RNF213: variants seen among roughly 807,000 people sequenced by gnomAD.
The protein encoded by RNF213 is ring finger protein 213, also known as E3 ubiquitin-protein ligase RNF213.
In RNF213, 341 loss-of-function variants were observed where a neutral mutation model predicts 514.4. That is an observed-to-expected ratio of 0.66 (90% CI 0.61 to 0.73). The LOEUF is 0.73. RNF213 is among the 30% of genes least tolerant of loss of function. The pLI is 0.00. For synonymous variants in RNF213, 2,655 were observed against 2,658.2 expected (o/e 1.00, Z 0.04); for missense variants, 5,767 against 6,615.6 (o/e 0.87, Z 4.45).
intron 44 of RNF213, among the ~76,000 whole-genome samples, chr17:80,369,171 T>G (rs2079405323): frequency 6.6e-6 from 1 of 152,012 alleles, no homozygotes; most frequent in Non-Finnish European, 1.5e-5. Flanking sequence ...GGCCGAGGTG[T>G]GTGGATCACC....
chr17:80,261,219 G>T (rs906335964), intron 1 of RNF213, among the ~76,000 whole-genome samples: 1 of 152,202 alleles, frequency 6.6e-6, no homozygotes, highest in Non-Finnish European at 1.5e-5. Context: ...CTGCCCCCGG[G>T]AAGTGGCCGG....
Position 80,386,737 on chromosome 17 carries a change from A to T in RNF213, c.14768A>T (p.Tyr4923Phe), listed in dbSNP as rs377668916. ...AEVTELHVIS[Y>F]EVERDLTPLI... ...GTCACTGAACTGCATGTCATCAGTT[A>T]TGAAGTGGAGCGGGACCTGACTCCA... The change falls in exon 63 of 68, where the codon TAT becomes TTT. Residue 4923 changes from tyrosine (Y) to phenylalanine (F), a missense_variant. Around this residue, in one of 13 missense-constraint regions of RNF213, gnomAD observed 1,245 missense variants for 1,339.0 expected, o/e 0.93. Coordinates refer to ENST00000582970, the MANE Select transcript of RNF213 (RefSeq NM_001256071.3). 5 of 1,614,100 alleles carry T rather than the reference A, an allele frequency of 3.1e-6. No individual in the cohort carries two copies. The African/African-American group carries it at 5.3e-5, about 17-fold the overall frequency.
At position 80,343,902 on chromosome 17, in the gene RNF213, C is replaced by A; in HGVS notation, c.6229C>A (p.Gln2077Lys). ...GTTTCTTTTCAAGCTCCTCATTTTA[C>A]AATACTTAATGGATATAAATGGGAA... ...WVFLFKLLIL[Q>K]YLMDINGKMW... The change falls in exon 28 of 68, where the codon CAA becomes AAA. Residue 2077 changes from glutamine (Q) to lysine (K), a missense_variant. Gln to Lys is a moderately conservative substitution (Grantham distance 53). Around this residue, in one of 13 missense-constraint regions of RNF213, gnomAD observed 1,377 missense variants for 1,635.2 expected, o/e 0.84. Coordinates refer to ENST00000582970, the MANE Select transcript of RNF213 (RefSeq NM_001256071.3). This position sits in a 1 kb window ranked among gnomAD's most constrained non-coding sequence, Gnocchi z 4.3. 1 of 1,614,166 alleles carries A rather than the reference C, an allele frequency of 6.2e-7. No homozygotes were observed. The highest frequency in any genetic ancestry group is 8.5e-7 in the Non-Finnish European group (1 of 1,180,026).
At chr17:80,270,088 TCTC>T (rs930642762) in intron 2 of RNF213, among the ~76,000 whole-genome samples, 137 of 152,318 alleles carry the variant, frequency 9.0e-4, no homozygotes, top group African/African-American at 2.9e-3. Flanking sequence ...CTTCTAGACA[TCTC>T]CTCTGCGTGA....
chr17:80,315,787 GT>G (rs2045912179), intron 15 of RNF213: 1 of 20,312 alleles, frequency 4.9e-5, no homozygotes. Context: ...GGTGGTGGTG[GT>G]GGTGGTGGTG....
chr17:80,320,053 T>C (rs760614556), intron 17 of RNF213: 2 of 1,001,540 alleles, frequency 2.0e-6, no homozygotes, highest in Non-Finnish European at 2.4e-6. Flanking sequence ...ATACGGTACA[T>C]CTGTCAAAAG....
rs186221365 is a variant in RNF213, at chr17:80,357,745, G to A, written c.10863-543G>A. Among the ~76,000 whole-genome samples the A allele has an allele frequency of 3.4e-3, 523 of 152,314 alleles. 3 individuals carry two copies. The highest frequency in any genetic ancestry group is 6.3e-3 in the Non-Finnish European group (431 of 68,026). Reference sequence around the variant, plus strand: ...CCAATACTTTGGGAGGCCAAGGCGGGAGGATTACTTGTGCCCAGGAGTTTG... The same window carrying A: ...CCAATACTTTGGGAGGCCAAGGCGGAAGGATTACTTGTGCCCAGGAGTTTG... On this transcript the variant is annotated intron_variant, in intron 36 of 67. Coordinates refer to ENST00000582970, the MANE Select transcript of RNF213 (RefSeq NM_001256071.3).
At chr17:80,381,162 T>C in intron 56 of RNF213, 175 bp downstream of exon 56, 1 of 728,192 alleles carries the variant, frequency 1.4e-6, no homozygotes, top group Non-Finnish European at 2.4e-6. Context: ...CGTATGATGG[T>C]ATGGGGGGAA....
rs760608413 is a variant in RNF213 at position 80,334,256 on chromosome 17, G to A, written c.4295G>A (p.Arg1432Gln). 23 of 1,535,094 alleles carry A rather than the reference G, an allele frequency of 1.5e-5. No homozygotes were observed. The highest frequency in any genetic ancestry group is 1.7e-4 in the Middle Eastern group (1 of 5,928). Residue 1432 changes from arginine to glutamine, a missense_variant, in exon 22 of 68, where the codon CGG becomes CAG. Physicochemically the swap from Arg to Gln is conservative, Grantham distance 43. Transcript: ENST00000582970. The stretch of plus-strand genomic sequence containing the variant: ...AGAAAGGAGTTCATCTGCTGGGTCC[G>A]GGAGGCTCTTGGAGGTAAAATCAGC... Reference protein sequence around the residue: ...SLRKEFICWVREALGGINELK... With the variant: ...SLRKEFICWVQEALGGINELK...
intron 11 of RNF213, among the ~76,000 whole-genome samples, chr17:80,305,288 C>T (rs111823869): frequency 0.024 from 3,607 of 150,610 alleles, 133 homozygotes; most frequent in African/African-American, 0.085. Flanking sequence ...AAGTGATTCT[C>T]CTGCCTCAGC....
At chr17:80,374,615 T>C (rs1394040390) in intron 50 of RNF213, 26 bp downstream of exon 50, 2 of 1,613,368 alleles carry the variant, frequency 1.2e-6, no homozygotes, top group Admixed American at 3.3e-5. Context: ...GGCTTCTCTC[T>C]GATACCAGGT....
Position 80,393,622 on chromosome 17 carries a change from C to A in RNF213, c.*124C>A. The A allele has an allele frequency of 9.1e-7, 1 of 1,098,694 alleles. No homozygotes were observed. The highest frequency in any genetic ancestry group is 1.3e-6 in the Non-Finnish European group (1 of 752,216). The allele number at this position is 1,098,694 out of a possible 1,614,324, so 68.1% of individuals were successfully genotyped here. Reference sequence around the variant, plus strand: ...AGAAGGAGAGCTGTCAGCGTAGCACCGAATTCAAGACCAAGGCGTGCTACC... The same window carrying A: ...AGAAGGAGAGCTGTCAGCGTAGCACAGAATTCAAGACCAAGGCGTGCTACC... On this transcript the variant is annotated 3_prime_UTR_variant, in exon 68 of 68. Coordinates refer to ENST00000582970, the MANE Select transcript of RNF213 (RefSeq NM_001256071.3).
chr17:80,288,679 G>T lies in RNF213; in HGVS notation c.857G>T (p.Gly286Val). ...AEPANAVKGA[G>V]KEMKEKTQRM... The stretch of plus-strand genomic sequence containing the variant: ...CCAGCCAATGCAGTTAAAGGGGCCG[G>T]GAAGGAAATGAAAGAGAAGACCCAG... Residue 286 changes from glycine to valine, a missense_variant, in exon 5 of 68, where the codon GGG (glycine) becomes GTG (valine). Physicochemically the swap from Gly to Val is moderately radical, Grantham distance 109. Around this residue, in one of 13 missense-constraint regions of RNF213, gnomAD observed 509 missense variants for 496.7 expected, o/e 1.02. Coordinates refer to ENST00000582970, the MANE Select transcript of RNF213 (RefSeq NM_001256071.3). The surrounding 1 kb of genome is among the most constrained non-coding windows in gnomAD (Gnocchi z 4.9). 6.2e-7 allele frequency: 1 copy of T among 1,614,216 alleles called. No individual in the cohort carries two copies. The highest frequency in any genetic ancestry group is 8.5e-7 in the Non-Finnish European group (1 of 1,180,040).
rs1244472755 is a variant in RNF213, at chr17:80,347,163, G to A, written c.8828G>A (p.Cys2943Tyr). Residue 2943 changes from cysteine to tyrosine, a missense_variant, in exon 29 of 68, where the codon TGT becomes TAT. This residue lies in a region of RNF213 where 919 missense variants were observed against 1,121.0 expected (regional missense o/e 0.82). Transcript: ENST00000582970. This position sits in a 1 kb window ranked among gnomAD's most constrained non-coding sequence, Gnocchi z 7.2. ...TTTGCCAAAGCCTACGAAACGGTGT[G>A]TAAGCGCCAGGACAAGGAATTCTTC... ...ASFAKAYETV[C>Y]KRQDKEFFGL... The A allele has an allele frequency of 1.9e-6, 3 of 1,613,988 alleles. No individual in the cohort carries two copies. Among genetic ancestry groups the A allele is most frequent in the Non-Finnish European group, 2.5e-6 (3 of 1,179,984 alleles).
At chr17:80,290,397 G>A (rs1373149537) in intron 6 of RNF213, among the ~76,000 whole-genome samples, 173 bp from the exon 7 acceptor site, 2 of 145,594 alleles carry the variant, frequency 1.4e-5, no homozygotes, top group Non-Finnish European at 3.0e-5. Flanking sequence ...GTGCGTGTAC[G>A]TGTGCTTGTG....
intron 37 of RNF213, among the ~76,000 whole-genome samples, chr17:80,359,007 C>G (rs534548723): frequency 1.3e-3 from 193 of 152,328 alleles, no homozygotes; most frequent in African/African-American, 4.3e-3. Flanking sequence ...CTAGCCAGAC[C>G]CAGCATGGCG....
intron 11 of RNF213, among the ~76,000 whole-genome samples, chr17:80,301,996 TGGA>T (rs1467222149): frequency 6.6e-6 from 1 of 152,160 alleles, no homozygotes; most frequent in Non-Finnish European, 1.5e-5. Flanking sequence ...TGGACAAGCT[TGGA>T]GGAGATTACG....
At position 80,358,292 on chromosome 17, in the gene RNF213, A is replaced by T; in HGVS notation, c.10867A>T (p.Thr3623Ser). ...ALQEAGTFRH[T>S]LWKRVQGAVT... is the part of the protein sequence containing the mutation. Reference sequence around the variant, plus strand: ...CATCTCTCTTCTGTGCTGCAGGCACACCCTCTGGAAGCGGGTCCAAGGTGC... The same window carrying T: ...CATCTCTCTTCTGTGCTGCAGGCACTCCCTCTGGAAGCGGGTCCAAGGTGC... The change falls in exon 37 of 68, where the codon ACC becomes TCC. Residue 3623 changes from threonine (T) to serine (S), a missense_variant. This residue lies in a region of RNF213 where 919 missense variants were observed against 1,121.0 expected (regional missense o/e 0.82). Transcript: ENST00000582970. 1 of 1,613,886 alleles carries T rather than the reference A, an allele frequency of 6.2e-7. No homozygotes were observed. The highest frequency in any genetic ancestry group is 2.2e-5 in the East Asian group (1 of 44,876).
intron 20 of RNF213, 87 bp from the exon 21 acceptor site, chr17:80,331,919 G>T (rs2046427168): frequency 7.0e-7 from 1 of 1,435,902 alleles, no homozygotes; most frequent in Admixed American, 2.3e-5. Context: ...GCTCAGAGAA[G>T]TGAGGAGAGA....
Sources: allele counts gnomAD v4.1 joint callset (sites outside exome capture counted in the v4.1 genomes callset), GRCh38; gene constraint gnomAD v4.1.1; regional missense constraint gnomAD v4.1.1; non-coding constraint Gnocchi (gnomAD v3.1); transcripts MANE v1.5; gene names NCBI Gene and HGNC (gene_info 2026-07-23, HGNC 2026-07-21).